The following FAM78B variants were observed in gnomAD, a reference collection of about 807,000 sequenced individuals.
FAM78B encodes the protein protein FAM78B.
Under a neutral mutation model 20.0 loss-of-function variants are expected in FAM78B, and 10 were observed. That is an observed-to-expected ratio of 0.50 (90% CI 0.31 to 0.85). The LOEUF (loss-of-function observed/expected upper bound fraction) is 0.85. FAM78B is among the 40% of genes least tolerant of loss of function. The pLI is 0.05. For synonymous variants in FAM78B, 135 were observed against 132.8 expected, an observed-to-expected ratio of 1.02 and a Z score of -0.12; for missense variants, 283 against 345.0, an observed-to-expected ratio of 0.82 and a Z score of 1.42.
downstream of FAM78B, among the ~76,000 whole-genome samples, chr1:166,067,786 T>C (rs1651855319): frequency 6.6e-6 from 1 of 152,222 alleles, no homozygotes; most frequent in Non-Finnish European, 1.5e-5. Flanking sequence ...ATAATCACAA[T>C]GTATACAGTG....
At chr1:166,059,060 C>T (rs1327181770) in exon 3 of FAM78B, 1 of 152,622 alleles carries the variant, frequency 6.6e-6, no homozygotes, top group Admixed American at 6.5e-5. Context: ...GGCTTGGAGA[C>T]AGAAATGTCG....
chr1:166,122,380 A>C (rs1654496630), intron 1 of FAM78B, among the ~76,000 whole-genome samples: 3 of 152,162 alleles, frequency 2.0e-5, no homozygotes, highest in African/African-American at 2.4e-5. Context: ...AAGAAAAGAG[A>C]TCTCAGTTCT....
At chr1:166,081,333 T>A (rs1652564421) in intron 1 of FAM78B, 1 of 152,220 alleles carries the variant, frequency 6.6e-6, no homozygotes, top group African/African-American at 2.4e-5. Context: ...CCTTGTGCCC[T>A]CTAAGTAAGT....
chr1:166,100,265 G>A (rs2101746097), intron 1 of FAM78B, among the ~76,000 whole-genome samples: 1 of 152,336 alleles, frequency 6.6e-6, no homozygotes, highest in South Asian at 2.1e-4. Flanking sequence ...CCCAGCAGGA[G>A]CGATGCAGAA....
intron 1 of FAM78B, among the ~76,000 whole-genome samples, chr1:166,121,891 C>G (rs773474097): frequency 2.0e-5 from 3 of 152,158 alleles, no homozygotes; most frequent in African/African-American, 7.2e-5. Flanking sequence ...GCAGGGCCCA[C>G]CTTTGAGGCA....
intron 1 of FAM78B, among the ~76,000 whole-genome samples, chr1:166,076,703 A>T (rs1324550609): frequency 6.6e-6 from 1 of 152,220 alleles, no homozygotes; most frequent in African/African-American, 2.4e-5. Flanking sequence ...GTGCTGGGAA[A>T]ATAGGAGTTC....
chr1:166,120,649 C>A (rs367565874), intron 1 of FAM78B, among the ~76,000 whole-genome samples: 1 of 152,186 alleles, frequency 6.6e-6, no homozygotes, highest in Non-Finnish European at 1.5e-5. Flanking sequence ...TCCCTGCGGA[C>A]GACTGCAAGG....
downstream of FAM78B, among the ~76,000 whole-genome samples, chr1:166,065,320 A>C (rs1571124488): frequency 6.6e-6 from 1 of 152,218 alleles, no homozygotes; most frequent in East Asian, 1.9e-4. Context: ...TTTCTGCTTC[A>C]AACTCCTCAT....
At chr1:166,162,059 AG>A (rs1396220335) in intron 1 of FAM78B, among the ~76,000 whole-genome samples, 1 of 152,238 alleles carries the variant, frequency 6.6e-6, no homozygotes, top group Non-Finnish European at 1.5e-5. Context: ...AAAATAGCAT[AG>A]AAGTTAAAAG....
chr1:166,105,342 A>G (rs2101751172), intron 1 of FAM78B, among the ~76,000 whole-genome samples: 1 of 152,268 alleles, frequency 6.6e-6, no homozygotes, highest in Middle Eastern at 3.4e-3. Context: ...AACAAAAGCC[A>G]AAATTGACAA....
At chr1:166,109,816 ATATATATATATATATG>A (rs1557903030) in intron 1 of FAM78B, among the ~76,000 whole-genome samples, 3,422 of 27,388 alleles carry the variant, frequency 0.12, 539 homozygotes, top group South Asian at 0.22. Context: ...GTATATATGT[ATATATATATATATATG>A]TATATATGTA....
chr1:166,073,051 C>A (rs937605693), intron 1 of FAM78B, among the ~76,000 whole-genome samples: 3 of 152,028 alleles, frequency 2.0e-5, no homozygotes, highest in East Asian at 1.9e-4. Flanking sequence ...ACAACAACAA[C>A]AAAACAACAA....
At chr1:166,082,376 T>C (rs1306085697) in intron 1 of FAM78B, among the ~76,000 whole-genome samples, 1 of 152,206 alleles carries the variant, frequency 6.6e-6, no homozygotes, top group Non-Finnish European at 1.5e-5. Flanking sequence ...ACTCCTTTTC[T>C]TTTTCTGAAA....
chr1:166,132,635 T>G (rs914331200), intron 1 of FAM78B, among the ~76,000 whole-genome samples: 1 of 152,190 alleles, frequency 6.6e-6, no homozygotes, highest in Admixed American at 6.5e-5. Context: ...ACCTAAGTAT[T>G]GCTCTCTTTT....
intron 1 of FAM78B, among the ~76,000 whole-genome samples, chr1:166,084,360 G>C (rs1652721418): frequency 6.6e-6 from 1 of 151,812 alleles, no homozygotes; most frequent in Non-Finnish European, 1.5e-5. Flanking sequence ...GCCCTTTCTG[G>C]CATGACTTTT....
At chr1:166,096,522 G>T (rs1653280572) in intron 1 of FAM78B, among the ~76,000 whole-genome samples, 1 of 152,214 alleles carries the variant, frequency 6.6e-6, no homozygotes, top group Non-Finnish European at 1.5e-5. Context: ...AGGAAAACTT[G>T]CTCCATAATA....
chr1:166,112,418 T>A (rs1295755606), intron 1 of FAM78B, among the ~76,000 whole-genome samples: 1 of 152,194 alleles, frequency 6.6e-6, no homozygotes, highest in Non-Finnish European at 1.5e-5. Context: ...TCTGAATTAG[T>A]CTAGGAGTGA....
At chr1:166,063,742 C>A (rs568817571) in intron 2 of FAM78B, among the ~76,000 whole-genome samples, 53 of 152,304 alleles carry the variant, frequency 3.5e-4, no homozygotes, top group Non-Finnish European at 6.0e-4. Context: ...TCCTCATAGT[C>A]CCCAGTAAGG....
At chr1:166,082,723 G>T (rs1461555315) in intron 1 of FAM78B, 1 of 152,556 alleles carries the variant, frequency 6.6e-6, no homozygotes, top group Non-Finnish European at 1.5e-5. Context: ...AGTGTTTCTG[G>T]AAGAGCAGGT....
Sources: allele counts gnomAD v4.1 joint callset (sites outside exome capture counted in the v4.1 genomes callset), GRCh38; gene constraint gnomAD v4.1.1; transcripts MANE v1.5; gene names NCBI Gene and HGNC (gene_info 2026-07-23, HGNC 2026-07-21).